Variants in HEATR5B observed in about 807,000 individuals in gnomAD.
HEATR5B encodes HEAT repeat-containing protein 5B.
HEATR5B carries 156 observed loss-of-function variants against 224.1 expected under a neutral mutation model. That is an observed-to-expected ratio of 0.70 (90% CI 0.61 to 0.80). HEATR5B has a LOEUF of 0.80. Ranked by LOEUF, HEATR5B falls within the 30% of genes least tolerant of loss-of-function variation. The pLI is 0.00. For missense variants in HEATR5B, 2,323 were observed against 2,535.5 expected (o/e 0.92, Z 1.80); for synonymous variants, 1,027 against 893.0 (o/e 1.15, Z -2.68).
At chr2:37,075,362 G>C in intron 5 of HEATR5B, 123 bp downstream of exon 5, 1 of 687,380 alleles carries the variant, frequency 1.5e-6, no homozygotes. Flanking sequence ...TATAATTCTA[G>C]AAAATGAAAC....
intron 6 of HEATR5B, 68 bp downstream of exon 6, chr2:37,072,042 A>G: frequency 1.6e-6 from 2 of 1,265,820 alleles, no homozygotes; most frequent in Non-Finnish European, 2.2e-6. Flanking sequence ...AATCCATTAC[A>G]CTGACTTGCC....
chr2:37,056,983 A>C (rs1222919395), intron 15 of HEATR5B, among the ~76,000 whole-genome samples: 1 of 152,196 alleles, frequency 6.6e-6, no homozygotes, highest in Non-Finnish European at 1.5e-5. Flanking sequence ...TCTTCAACCT[A>C]CTAACTCATT....
In HEATR5B at chr2:37,049,798, T is replaced by C; in HGVS notation, c.2551A>G (p.Lys851Glu). Residue 851 changes from lysine to glutamate, a missense_variant, in exon 18 of 36, where the codon AAA becomes GAA. Around this residue, in one of 12 missense-constraint regions of HEATR5B, gnomAD observed 170 missense variants for 216.7 expected, o/e 0.78. Coordinates refer to ENST00000233099, the MANE Select transcript of HEATR5B (RefSeq NM_019024.3). ...CCCATAACCAGTGTCAGGGCAGATTTACGAACTTCCTCAGGTCCTAAAGTA... is the reference window on the plus strand; with the variant it reads ...CCCATAACCAGTGTCAGGGCAGATTCACGAACTTCCTCAGGTCCTAAAGTA... ...KSTLGPEEVRKSALTLVMGPL... is the reference protein window; with the variant it reads ...KSTLGPEEVRESALTLVMGPL... 1.2e-6 allele frequency: 2 copies of C among 1,608,986 alleles called. No individual in the cohort carries two copies. The highest frequency in any genetic ancestry group is 1.7e-6 in the Non-Finnish European group (2 of 1,178,984).
intron 33 of HEATR5B, among the ~76,000 whole-genome samples, chr2:36,997,813 G>A (rs185701764): frequency 2.0e-5 from 3 of 151,914 alleles, no homozygotes; most frequent in Admixed American, 6.6e-5. Flanking sequence ...TGATCCACCC[G>A]CCTTGGCCTC....
At position 36,988,644 on chromosome 2, in the gene HEATR5B, A is replaced by C. The variant is rs746070399; in HGVS notation, c.5911+2T>G. ...AGTAGCTTTTTATAAGAATATACTT[A>C]CTGTTTTGTTCTTCACCAAGAGCAA... On this transcript the variant is annotated splice_donor_variant, in intron 35 of 35. Coordinates refer to ENST00000233099, the MANE Select transcript of HEATR5B (RefSeq NM_019024.3). LOFTEE classifies it high-confidence loss of function. 1 of 1,602,270 alleles carries C rather than the reference A, an allele frequency of 6.2e-7. No individual in the cohort carries two copies. Among genetic ancestry groups the C allele is most frequent in the South Asian group, 1.1e-5 (1 of 90,802 alleles).
chr2:37,059,035 A>G (rs772914023), intron 12 of HEATR5B, 48 bp from the exon 13 acceptor site: 1 of 1,138,858 alleles, frequency 8.8e-7, no homozygotes, highest in Non-Finnish European at 1.3e-6. Context: ...TTTTGTGAAC[A>G]TGAATTAATT....
intron 4 of HEATR5B, 48 bp downstream of exon 4, chr2:37,076,863 A>C (rs1293859904): frequency 7.1e-7 from 1 of 1,399,420 alleles, no homozygotes; most frequent in African/African-American, 1.4e-5. Flanking sequence ...CTGACATCTA[A>C]CTCTTGCCAC....
At chr2:37,030,033 G>C (rs1669027308) in intron 22 of HEATR5B, among the ~76,000 whole-genome samples, 1 of 152,092 alleles carries the variant, frequency 6.6e-6, no homozygotes, top group African/African-American at 2.4e-5. Context: ...ATGAAATAGT[G>C]GTTAAATTTC....
At chr2:37,038,907 TG>T (rs758997585) in intron 20 of HEATR5B, among the ~76,000 whole-genome samples, 2 of 66,382 alleles carry the variant, frequency 3.0e-5, no homozygotes, top group African/African-American at 6.8e-5. Context: ...CTCCCTGGGG[TG>T]GGGGGGGTGG....
chr2:37,050,292 G>A (rs1670455567), intron 17 of HEATR5B, among the ~76,000 whole-genome samples: 1 of 152,108 alleles, frequency 6.6e-6, no homozygotes, highest in Non-Finnish European at 1.5e-5. Context: ...ATATACTAAT[G>A]TCTAGAATCT....
intron 4 of HEATR5B, among the ~76,000 whole-genome samples, chr2:37,076,384 T>A (rs1333704202): frequency 6.6e-6 from 1 of 151,786 alleles, no homozygotes; most frequent in Admixed American, 6.6e-5. Flanking sequence ...AGGAAAAAGG[T>A]GATGTGACAA....
At chr2:37,014,469 T>G (rs577426816) in intron 26 of HEATR5B, among the ~76,000 whole-genome samples, 4 of 151,878 alleles carry the variant, frequency 2.6e-5, no homozygotes, top group Non-Finnish European at 4.4e-5. Context: ...GCCAGTATTA[T>G]TTTTTATATC....
At chr2:37,046,639 CA>C (rs531117028) in intron 18 of HEATR5B, among the ~76,000 whole-genome samples, 5,246 of 90,328 alleles carry the variant, frequency 0.058, 105 homozygotes, top group Non-Finnish European at 0.078. Context: ...AACTCTGTCT[CA>C]AAAAAAAAAA....
chr2:36,996,820 G>C lies in HEATR5B; in HGVS notation c.5545+3766C>G, dbSNP rs143259034. 9.4e-3 allele frequency among the ~76,000 whole-genome samples: 1,435 copies of C among 152,190 alleles called. 14 individuals carry two copies. Among genetic ancestry groups the C allele is most frequent in the African/African-American group, 0.033 (1,373 of 41,520 alleles). ...TTGGTCAGGCTGGTCTTGAACTCCT[G>C]ACCTCAGGTGATCCACCCGCCTCAG... On this transcript the variant is annotated intron_variant, in intron 33 of 35. Transcript: ENST00000233099.
At position 37,040,356 on chromosome 2, in the gene HEATR5B, T is replaced by C; in HGVS notation, c.3019A>G (p.Ile1007Val). ...QCLGRCLGAI[I>V]TTVGPELQGN... is the part of the protein sequence containing the mutation. The stretch of plus-strand genomic sequence containing the variant: ...TGTAGTTCAGGGCCAACAGTAGTTA[T>C]TATAGCACCCAAGCATCGACCCAAA... Residue 1007 changes from isoleucine (I) to valine (V), a missense_variant, in exon 20 of 36, where the codon ATA becomes GTA. Transcript: ENST00000233099. The C allele has an allele frequency of 6.2e-7, 1 of 1,613,976 alleles. No individual in the cohort carries two copies.
intron 33 of HEATR5B, among the ~76,000 whole-genome samples, chr2:36,999,410 G>A (rs1246226316): frequency 2.6e-5 from 4 of 151,836 alleles, no homozygotes; most frequent in Non-Finnish European, 4.4e-5. Flanking sequence ...GGGCACAGTG[G>A]CTCATGCCTG....
chr2:37,008,585 A>G, intron 28 of HEATR5B, 26 bp downstream of exon 28: 1 of 1,511,912 alleles, frequency 6.6e-7, no homozygotes, highest in South Asian at 1.1e-5. Context: ...ACTCCATAAA[A>G]GTAAAACTCA....
intron 16 of HEATR5B, among the ~76,000 whole-genome samples, chr2:37,056,114 CTA>C (rs1436164592): frequency 6.6e-6 from 1 of 151,868 alleles, no homozygotes; most frequent in Non-Finnish European, 1.5e-5. Context: ...ATCAAACAAA[CTA>C]TTATAATGCA....
chr2:37,012,897 T>C (rs1667876799), intron 27 of HEATR5B, among the ~76,000 whole-genome samples: 1 of 152,246 alleles, frequency 6.6e-6, no homozygotes, highest in African/African-American at 2.4e-5. Context: ...CTGCTATGTG[T>C]TCCAAAACAC....
Sources: gnomAD v4.1 joint callset for allele counts (sites outside exome capture counted in the v4.1 genomes callset) on GRCh38, gnomAD v4.1.1 for gene constraint, gnomAD v4.1.1 regional missense constraint, MANE v1.5 for transcripts, NCBI Gene and HGNC (gene_info 2026-07-23, HGNC 2026-07-21) for gene names.